Variants in THEM5 observed in about 807,000 individuals in gnomAD.
THEM5 encodes the protein acyl-coenzyme A thioesterase THEM5.
In THEM5, 28 loss-of-function variants were observed where a neutral mutation model predicts 24.2. The observed-to-expected ratio is 1.16, with a 90% CI of 0.86 to 1.59. THEM5 has a LOEUF of 1.59. THEM5 is among the 40% of genes most tolerant of loss of function. The pLI is 0.00. For synonymous variants in THEM5, 87 were observed against 114.5 expected (o/e 0.76, Z 1.53); for missense variants, 260 against 296.8 (o/e 0.88, Z 0.91).
At position 151,852,239 on chromosome 1, in the gene THEM5, C is replaced by T. The variant is rs1653148376; in HGVS notation, c.325+19G>A. On this transcript the variant is annotated intron_variant, in intron 2 of 5. Coordinates refer to ENST00000368817, the MANE Select transcript of THEM5 (RefSeq NM_182578.4). The stretch of plus-strand genomic sequence containing the variant: ...GGGAAGGGCGGCTGGGGTGTGTGTA[C>T]TCATGGTCCTGTCCTTACCTGAGGA... 2 of 1,611,710 alleles carry T rather than the reference C, an allele frequency of 1.2e-6. No individual in the cohort carries two copies. Among genetic ancestry groups the T allele is most frequent in the African/African-American group, 1.3e-5 (1 of 74,830 alleles).
rs1232755603 is a variant in THEM5 at position 151,853,425 on chromosome 1, G to C, written c.123+18C>G. The C allele has an allele frequency of 6.2e-7, 1 of 1,609,296 alleles. No individual in the cohort carries two copies. Among genetic ancestry groups the C allele is most frequent in the Non-Finnish European group, 8.5e-7 (1 of 1,177,470 alleles). ...CTCCTGGGAAAACACTGCCCATCTG[G>C]CTGAGCTGGGAACTCACCATGGAGT... is the stretch of plus-strand genomic sequence containing the variant. On this transcript the variant is annotated intron_variant, in intron 1 of 5. Transcript: ENST00000368817.
At chr1:151,853,409 A>G in intron 1 of THEM5, 34 bp downstream of exon 1, 1 of 1,603,764 alleles carries the variant, frequency 6.2e-7, no homozygotes, top group Non-Finnish European at 8.5e-7. Context: ...GCTCCTGGGA[A>G]AACACTGCCC....
At chr1:151,852,545 G>T in intron 1 of THEM5, 86 bp from the exon 2 acceptor site, 1 of 1,283,550 alleles carries the variant, frequency 7.8e-7, no homozygotes, top group Non-Finnish European at 1.1e-6. Context: ...GCTGTTCCTG[G>T]GTGCTGGGGC....
intron 3 of THEM5, among the ~76,000 whole-genome samples, chr1:151,849,183 C>T (rs903882365): frequency 3.3e-5 from 5 of 149,836 alleles, no homozygotes; most frequent in Non-Finnish European, 7.4e-5. Flanking sequence ...TGTGCCACTG[C>T]ATTCCAGCCT....
In THEM5 at chr1:151,847,840, C is replaced by T; in HGVS notation, c.598G>A (p.Val200Ile). Residue 200 changes from valine (V) to isoleucine (I), a missense_variant, in exon 5 of 6, where the codon GTT becomes ATT. Transcript: ENST00000368817. ...FKNLIPVDSL[V>I]VMDVELDKIE... ...TTGTCCAGTTCTACGTCCATTACAA[C>T]CAGAGAGTCCACGGGGATCAAGCTG... 2 of 1,614,102 alleles carry T rather than the reference C, an allele frequency of 1.2e-6. No individual in the cohort carries two copies. The highest frequency in any genetic ancestry group is 1.7e-6 in the Non-Finnish European group (2 of 1,180,022).
Position 151,853,441 on chromosome 1 carries a change from A to G in THEM5, c.123+2T>C, listed in dbSNP as rs753075154. On this transcript the variant is annotated splice_donor_variant, in intron 1 of 5. Transcript: ENST00000368817. LOFTEE classifies it high-confidence loss of function. ...GCCCATCTGGCTGAGCTGGGAACTCACCATGGAGTCTGTGGAGGATCCAAA... is the reference window on the plus strand; with the variant it reads ...GCCCATCTGGCTGAGCTGGGAACTCGCCATGGAGTCTGTGGAGGATCCAAA... 8.1e-6 allele frequency: 13 copies of G among 1,613,074 alleles called. No homozygotes were observed. The highest frequency in any genetic ancestry group is 1.0e-5 in the Non-Finnish European group (12 of 1,179,544).
At position 151,848,164 on chromosome 1, in the gene THEM5, C is replaced by G; in HGVS notation, c.575+18G>C. 2.5e-6 allele frequency: 4 copies of G among 1,612,258 alleles called. No individual in the cohort carries two copies. In the African/African-American group the frequency reaches 4.0e-5, roughly 16 times the overall value. On this transcript the variant is annotated intron_variant, in intron 4 of 5. Transcript: ENST00000368817. ...AAGGTCTGTGACTTTGGCCAATGCCCCAGGGGCCCATACTTACTTTTTGAA... is the reference window on the plus strand; with the variant it reads ...AAGGTCTGTGACTTTGGCCAATGCCGCAGGGGCCCATACTTACTTTTTGAA...
chr1:151,852,149 A>T, intron 2 of THEM5, 109 bp downstream of exon 2: 1 of 1,099,716 alleles, frequency 9.1e-7, no homozygotes, highest in Non-Finnish European at 1.4e-6. Flanking sequence ...GGAGTTGGAC[A>T]GCAGGAAGAA....
At chr1:151,852,485 A>T in intron 1 of THEM5, 26 bp from the exon 2 acceptor site, 1 of 1,612,728 alleles carries the variant, frequency 6.2e-7, no homozygotes, top group East Asian at 2.2e-5. Context: ...CAGAATGACT[A>T]GACAGCATCC....
intron 3 of THEM5, 34 bp from the exon 4 acceptor site, chr1:151,848,326 G>A: frequency 6.4e-7 from 1 of 1,572,010 alleles, no homozygotes; most frequent in Non-Finnish European, 8.8e-7. Flanking sequence ...GCAAGGCCTG[G>A]GCTGGGGCTG....
chr1:151,849,223 A>T (rs1031087248), intron 3 of THEM5, among the ~76,000 whole-genome samples: 20 of 131,892 alleles, frequency 1.5e-4, no homozygotes, highest in East Asian at 4.6e-4. Flanking sequence ...TCTCAAAATT[A>T]AAAAAAAAAA....
chr1:151,849,147 G>A (rs987184801), intron 3 of THEM5, among the ~76,000 whole-genome samples: 4 of 151,850 alleles, frequency 2.6e-5, no homozygotes, highest in African/African-American at 9.7e-5. Flanking sequence ...TGAACCCGGT[G>A]GGTGGAGGTT....
rs147270016 is a variant in THEM5 at position 151,848,904 on chromosome 1, G to A, written c.465-612C>T. 1.2e-3 allele frequency among the ~76,000 whole-genome samples: 186 copies of A among 152,334 alleles called. No homozygotes were observed. The Middle Eastern group carries it at 0.017, about 14-fold the overall frequency. On this transcript the variant is annotated intron_variant, in intron 3 of 5. Coordinates refer to ENST00000368817, the MANE Select transcript of THEM5 (RefSeq NM_182578.4). Reference sequence around the variant, plus strand: ...AATTGAGCTGAAATGCTCAAATGCCGCAGACATTTGCTTTATTTAGAATGC... The same window carrying A: ...AATTGAGCTGAAATGCTCAAATGCCACAGACATTTGCTTTATTTAGAATGC...
chr1:151,849,228 A>C (rs1353346110), intron 3 of THEM5, among the ~76,000 whole-genome samples: 1 of 152,122 alleles, frequency 6.6e-6, no homozygotes, highest in African/African-American at 2.4e-5. Context: ...AAATTAAAAA[A>C]AAAAAAAAAA....
At chr1:151,847,992 C>T in intron 4 of THEM5, 130 bp from the exon 5 acceptor site, 1 of 1,514,208 alleles carries the variant, frequency 6.6e-7, no homozygotes, top group Admixed American at 2.1e-5. Context: ...GGGCTCAGGG[C>T]CTTTTTGTCA....
chr1:151,851,054 C>T lies in THEM5; in HGVS notation c.463G>A (p.Gly155Arg). The T allele has an allele frequency of 6.2e-7, 1 of 1,614,128 alleles. No individual in the cohort carries two copies. Among genetic ancestry groups the T allele is most frequent in the African/African-American group, 1.3e-5 (1 of 75,042 alleles). ...CCAAGGTCCTACCAGTGACCTTACC[C>T]TGGGGGCCCCTCCAGGTAGGAGCCT... ...QPGSYLEGPP[G>R]FAHGGSLAAM... Residue 155 changes from glycine to arginine, a missense_variant and splice_region_variant, in exon 3 of 6, where the codon GGG becomes AGG. Gly to Arg is a moderately radical substitution (Grantham distance 125, BLOSUM62 -2). Coordinates refer to ENST00000368817, the MANE Select transcript of THEM5 (RefSeq NM_182578.4).
In THEM5 at chr1:151,847,417, G is replaced by C; in HGVS notation, c.701-3C>G. 6.2e-7 allele frequency: 1 copy of C among 1,614,108 alleles called. No homozygotes were observed. Among genetic ancestry groups the C allele is most frequent in the Non-Finnish European group, 8.5e-7 (1 of 1,180,002 alleles). ...CAACTGCAGCTGAAGGAAAACACCT[G>C]CAAGAGAAGGGTGAGTTGAGCTGCA... is the stretch of plus-strand genomic sequence containing the variant. On this transcript the variant is annotated splice_polypyrimidine_tract_variant and splice_region_variant and intron_variant, in intron 5 of 5. Coordinates refer to ENST00000368817, the MANE Select transcript of THEM5 (RefSeq NM_182578.4).
chr1:151,847,113 A>T lies in THEM5; in HGVS notation c.*258T>A. 2 of 715,634 alleles carry T rather than the reference A, an allele frequency of 2.8e-6. No individual in the cohort carries two copies. The allele number at this position is 715,634 out of a possible 1,614,324, so 44.3% of individuals were successfully genotyped here. A position where few individuals can be genotyped will look rare whatever the true frequency, so the allele number is the denominator to read the frequency against. On this transcript the variant is annotated 3_prime_UTR_variant, in exon 6 of 6. Transcript: ENST00000368817. ...CCTGGGCCGAGAATGGGACTGTGAG[A>T]CTTTATTTACTCAGAGAAAAGGGTC...
Position 151,847,817 on chromosome 1 carries a change from G to A in THEM5, c.621C>T (p.Asp207=). ...DSLVVMDVEL[D]KIEDQKLYMS... is the part of the protein sequence containing the mutation. ...TGTAAAGCTTCTGGTCCTCAATCTT[G>A]TCCAGTTCTACGTCCATTACAACCA... Residue 207 remains aspartate, a synonymous_variant, in exon 5 of 6, where the codon GAC becomes GAT. Transcript: ENST00000368817. 6.2e-7 allele frequency: 1 copy of A among 1,614,030 alleles called. No individual in the cohort carries two copies. The highest frequency in any genetic ancestry group is 8.5e-7 in the Non-Finnish European group (1 of 1,179,994).
Sources: gnomAD v4.1 joint callset for allele counts (sites outside exome capture counted in the v4.1 genomes callset) on GRCh38, gnomAD v4.1.1 for gene constraint, MANE v1.5 for transcripts, NCBI Gene and HGNC (gene_info 2026-07-23, HGNC 2026-07-21) for gene names.